The following WNK3 variants were observed in gnomAD, a reference collection of about 807,000 sequenced individuals.
WNK3 encodes serine/threonine-protein kinase WNK3.
Under a neutral mutation model 116.7 loss-of-function variants are expected in WNK3, and 18 were observed. The observed-to-expected ratio is 0.15, with a 90% CI of 0.11 to 0.23. The LOEUF (loss-of-function observed/expected upper bound fraction) is 0.23. Ranked by LOEUF, WNK3 falls within the 10% of genes least tolerant of loss-of-function variation. The pLI is 1.00. For synonymous variants in WNK3, 404 were observed against 469.4 expected (o/e 0.86, Z 1.80); for missense variants, 993 against 1,323.8 (o/e 0.75, Z 3.88).
intron 1 of WNK3, among the ~76,000 whole-genome samples, chrX:54,356,355 G>T (rs782696792): frequency 9.0e-6 from 1 of 111,491 alleles, no homozygotes; most frequent in African/African-American, 3.3e-5. Context: ...CTGTCGCCCA[G>T]GCTAGAGTGC....
chrX:54,237,183 C>T (rs1557150346), exon 20 of WNK3: 1 of 1,211,125 alleles, frequency 8.3e-7, no homozygotes, highest in Non-Finnish European at 1.1e-6. Context: ...CAGTCAATAT[C>T]TCTCTCTCTT....
rs113411378 is a variant in WNK3 at position 54,321,688 on chromosome X, G to A, written c.538-10397C>T. Among the ~76,000 whole-genome samples, 729 of 111,385 alleles carry A rather than the reference G, an allele frequency of 6.5e-3. 4 individuals carry two copies. The highest frequency in any genetic ancestry group is 0.019 in the African/African-American group (596 of 30,729). ...TAAAGAAAAGTGCTTGGCTGAGCGCGGTGGCTCACACCTGTAATCCCAACA... is the reference window on the plus strand; with the variant it reads ...TAAAGAAAAGTGCTTGGCTGAGCGCAGTGGCTCACACCTGTAATCCCAACA... On this transcript the variant is annotated intron_variant, in intron 2 of 23. Coordinates refer to ENST00000354646, the Ensembl canonical transcript of WNK3.
At chrX:54,352,443 G>A (rs2069529426) in intron 1 of WNK3, among the ~76,000 whole-genome samples, 2 of 110,903 alleles carry the variant, frequency 1.8e-5, no homozygotes, top group African/African-American at 3.3e-5. Flanking sequence ...AGAGGCTAAG[G>A]CAGGAGGATC....
chrX:54,337,529 A>AG (rs1165424597), intron 1 of WNK3, among the ~76,000 whole-genome samples: 1 of 104,256 alleles, frequency 9.6e-6, no homozygotes, highest in Non-Finnish European at 2.0e-5. Context: ...ACTGCACGCT[A>AG]GCCTGGGCGA....
exon 17 of WNK3, chrX:54,249,133 T>C: frequency 1.7e-6 from 2 of 1,211,782 alleles, no homozygotes; most frequent in Non-Finnish European, 2.2e-6. Context: ...AATGACTGTC[T>C]TAGGAGAACT....
exon 2 of WNK3, chrX:54,333,603 T>C (rs2069198351): frequency 8.3e-7 from 1 of 1,206,642 alleles, no homozygotes. Flanking sequence ...GGGAACTCTG[T>C]TTTCAAATGA....
intron 3 of WNK3, among the ~76,000 whole-genome samples, chrX:54,309,516 TTTTG>T (rs782350921): frequency 9.9e-5 from 11 of 111,269 alleles, no homozygotes; most frequent in Non-Finnish European, 2.1e-4. Context: ...AGCATAGCTG[TTTTG>T]TTTGTTTGGT....
chrX:54,328,765 A>T (rs2069134848), intron 2 of WNK3, among the ~76,000 whole-genome samples: 1 of 112,145 alleles, frequency 8.9e-6, no homozygotes, highest in East Asian at 2.8e-4. Flanking sequence ...AGAGATTCTG[A>T]AATCTGGCTA....
At chrX:54,302,240 A>T (rs1480499060) in intron 5 of WNK3, among the ~76,000 whole-genome samples, 1 of 111,913 alleles carries the variant, frequency 8.9e-6, no homozygotes, top group Non-Finnish European at 1.9e-5. Flanking sequence ...AGGGAAAAAT[A>T]GGATCCCCAA....
At chrX:54,253,992 A>G (rs1323732607) in exon 13 of WNK3, 5 of 1,206,549 alleles carry the variant, frequency 4.1e-6, no homozygotes, top group Middle Eastern at 2.3e-4. Context: ...GCGCATCACC[A>G]TCAACATCAA....
intron 10 of WNK3, among the ~76,000 whole-genome samples, chrX:54,292,651 A>C (rs892495247): frequency 2.0e-4 from 20 of 100,797 alleles, no homozygotes; most frequent in African/African-American, 7.3e-4. Flanking sequence ...GGTTGCGGTG[A>C]GCCGAGATTG....
chrX:54,356,794 G>A (rs973276767), intron 1 of WNK3, among the ~76,000 whole-genome samples: 1 of 110,684 alleles, frequency 9.0e-6, no homozygotes, highest in African/African-American at 3.3e-5. Flanking sequence ...CATACTATTC[G>A]CATCTGTTTT....
At chrX:54,297,638 G>A in intron 7 of WNK3, among the ~76,000 whole-genome samples, 1 of 110,847 alleles carries the variant, frequency 9.0e-6, no homozygotes, top group Non-Finnish European at 1.9e-5. Context: ...ATGCAAATGA[G>A]AGAGGCACTC....
intron 1 of WNK3, among the ~76,000 whole-genome samples, chrX:54,344,562 A>G (rs782579581): frequency 4.8e-4 from 55 of 113,443 alleles, no homozygotes; most frequent in African/African-American, 1.7e-3. Flanking sequence ...CAATGATCAC[A>G]AACATATGAA....
At chrX:54,193,725 A>C (rs1320197159) in exon 24 of WNK3, 1 of 111,363 alleles carries the variant, frequency 9.0e-6, no homozygotes. Flanking sequence ...GGTTCCATAA[A>C]AATTTCATAC....
At chrX:54,256,350 C>T (rs2068192733) in intron 11 of WNK3, among the ~76,000 whole-genome samples, 1 of 111,816 alleles carries the variant, frequency 8.9e-6, no homozygotes, top group African/African-American at 3.2e-5. Flanking sequence ...ATGTAATGAA[C>T]TCAACAGGGT....
At chrX:54,320,856 C>T (rs1361398652) in intron 2 of WNK3, among the ~76,000 whole-genome samples, 13 of 110,382 alleles carry the variant, frequency 1.2e-4, no homozygotes, top group East Asian at 2.9e-4. Context: ...CACTAAAATG[C>T]GTCACATGCT....
chrX:54,229,448 T>C (rs1474475290), intron 21 of WNK3, among the ~76,000 whole-genome samples: 1 of 110,163 alleles, frequency 9.1e-6, no homozygotes, highest in Non-Finnish European at 1.9e-5. Flanking sequence ...AAAATTGATA[T>C]ATAGATTTAA....
intron 2 of WNK3, among the ~76,000 whole-genome samples, chrX:54,314,572 C>T (rs1441810482): frequency 3.6e-5 from 4 of 110,982 alleles, no homozygotes; most frequent in Non-Finnish European, 5.7e-5. Context: ...AGTTTAAGAC[C>T]AGCCTGAGCA....
Sources: allele counts gnomAD v4.1 joint callset (sites outside exome capture counted in the v4.1 genomes callset), GRCh38; gene constraint gnomAD v4.1.1; transcripts MANE v1.5; gene names NCBI Gene and HGNC (gene_info 2026-07-23, HGNC 2026-07-21).